LIX1L: variants seen among roughly 807,000 people sequenced by gnomAD.
LIX1L encodes the protein limb and CNS expressed 1 like, also known as LIX1-like protein.
Under a neutral mutation model 34.0 loss-of-function variants are expected in LIX1L, and 20 were observed. That is an observed-to-expected ratio of 0.59 (90% CI 0.41 to 0.85). The LOEUF (loss-of-function observed/expected upper bound fraction) is 0.85. LIX1L is among the 40% of genes least tolerant of loss of function. The pLI, the probability that LIX1L is intolerant of heterozygous loss-of-function variation, is 0.00. For synonymous variants in LIX1L, 170 were observed against 187.4 expected (o/e 0.91, Z 0.76); for missense variants, 397 against 447.0 (o/e 0.89, Z 1.01).
chr1:145,937,451 GC>G, intron 4 of LIX1L, 152 bp downstream of exon 4: 2 of 563,896 alleles, frequency 3.5e-6, no homozygotes. Context: ...GAGCCACCAT[GC>G]CCAGCCAGGA....
chr1:145,944,833 G>C (rs1439505999), intron 2 of LIX1L, among the ~76,000 whole-genome samples: 2 of 152,098 alleles, frequency 1.3e-5, no homozygotes, highest in Non-Finnish European at 2.9e-5. Context: ...TTTGTGACCA[G>C]CCTAGGAAAC....
intron 3 of LIX1L, among the ~76,000 whole-genome samples, chr1:145,938,584 C>T (rs1648759829): frequency 6.9e-6 from 1 of 145,890 alleles, no homozygotes; most frequent in Non-Finnish European, 1.5e-5. Context: ...TAAAAATTTC[C>T]TTTTTTTTTT....
intron 1 of LIX1L, among the ~76,000 whole-genome samples, chr1:145,951,518 G>A (rs1553759834): frequency 6.6e-6 from 1 of 151,912 alleles, no homozygotes; most frequent in African/African-American, 2.4e-5. Context: ...ACAGCATGAG[G>A]GCACATGTCA....
At chr1:145,940,487 C>T (rs1553758478) in intron 3 of LIX1L, among the ~76,000 whole-genome samples, 1 of 151,020 alleles carries the variant, frequency 6.6e-6, no homozygotes, top group Non-Finnish European at 1.5e-5. Context: ...GCTGGCATTA[C>T]AGGCATGTGC....
chr1:145,949,938 TCTGAGTAG>T (rs1468924067), intron 1 of LIX1L, among the ~76,000 whole-genome samples: 1 of 151,578 alleles, frequency 6.6e-6, no homozygotes. Context: ...AACCTTAGCC[TCTGAGTAG>T]CTGGGACCAC....
chr1:145,937,261 T>G (rs1260171873), intron 4 of LIX1L: 1 of 193,774 alleles, frequency 5.2e-6, no homozygotes, highest in Admixed American at 5.9e-5. Flanking sequence ...CTGCAACCTC[T>G]GCTTCCTGGG....
rs781903960 is a variant in LIX1L, at chr1:145,936,532, C to G, written c.792G>C (p.Ser264=). Residue 264 remains serine (S), a synonymous_variant, in exon 6 of 6, where the codon TCG becomes TCC. Transcript: ENST00000604000. ...GAATATCATCATCCAGGGCCCGGTGCGAATAATGAGCCAACACCTCCTAGT... is the reference window on the plus strand; with the variant it reads ...GAATATCATCATCCAGGGCCCGGTGGGAATAATGAGCCAACACCTCCTAGT... The part of the protein sequence containing the change: ...CSRQEVLAHY[S]HRALDDDIRH... 1.2e-6 allele frequency: 2 copies of G among 1,614,006 alleles called. No individual in the cohort carries two copies. The highest frequency in any genetic ancestry group is 1.7e-6 in the Non-Finnish European group (2 of 1,179,994).
chr1:145,936,585 G>A (rs1553757854), intron 5 of LIX1L, 33 bp from the exon 6 acceptor site: 1 of 1,612,360 alleles, frequency 6.2e-7, no homozygotes, highest in African/African-American at 1.3e-5. Flanking sequence ...ACATCATTGA[G>A]AAGGTAAAGG....
At chr1:145,942,649 G>T in intron 3 of LIX1L, 64 bp downstream of exon 3, 1 of 1,479,758 alleles carries the variant, frequency 6.8e-7, no homozygotes, top group Non-Finnish European at 9.4e-7. Flanking sequence ...AGTAATTTAC[G>T]ACTTCCCAAG....
At position 145,957,651 on chromosome 1, in the gene LIX1L, G is replaced by C; in HGVS notation, c.277C>G (p.Gln93Glu). ...GCAGACTCACCTCGGCCATAGCCCT[G>C]CGTGTGCTTGGCGAAGCTCCTCACC... ...AVVRSFAKHT[Q>E]GYGRVNVVEA... Residue 93 changes from glutamine to glutamate, a missense_variant, in exon 1 of 6, where the codon CAG becomes GAG. Gln to Glu is a conservative substitution (Grantham distance 29). Around this residue, in one of 3 missense-constraint regions of LIX1L, gnomAD observed 207 missense variants for 205.2 expected, o/e 1.01. Coordinates refer to ENST00000604000, the MANE Select transcript of LIX1L (RefSeq NM_153713.3). The C allele has an allele frequency of 1.3e-6, 2 of 1,542,200 alleles. No homozygotes were observed. The highest frequency in any genetic ancestry group is 1.7e-6 in the Non-Finnish European group (2 of 1,149,638).
In LIX1L at chr1:145,947,796, G is replaced by A; in HGVS notation, c.293-14C>T. 1.2e-6 allele frequency: 2 copies of A among 1,613,358 alleles called. No individual in the cohort carries two copies. The highest frequency in any genetic ancestry group is 1.7e-6 in the Non-Finnish European group (2 of 1,179,344). On this transcript the variant is annotated splice_polypyrimidine_tract_variant and intron_variant, in intron 1 of 5. Transcript: ENST00000604000. ...CCACCACATTCACTACAAAAGAGAA[G>A]TACTTAAGTTCAGCAATGAATGAGA...
rs1219536954 is a variant in LIX1L at position 145,936,153 on chromosome 1, T to C, written c.*157A>G. On this transcript the variant is annotated 3_prime_UTR_variant, in exon 6 of 6. Coordinates refer to ENST00000604000, the MANE Select transcript of LIX1L (RefSeq NM_153713.3). The stretch of plus-strand genomic sequence containing the variant: ...CAAAAACTGGTAGTAAGAAAAGGGA[T>C]CTCTTAGCAAATAGGAATCTAGGTG... The C allele has an allele frequency of 1.2e-5, 10 of 827,086 alleles. No homozygotes were observed. Among genetic ancestry groups the C allele is most frequent in the Non-Finnish European group, 1.8e-5 (10 of 555,688 alleles). 51.2% of individuals were successfully genotyped at this position (827,086 alleles called of 1,614,324 possible). A position where few individuals can be genotyped will look rare whatever the true frequency, so the allele number is the denominator to read the frequency against.
At position 145,935,923 on chromosome 1, in the gene LIX1L, G is replaced by T; in HGVS notation, c.*387C>A. 1 of 209,760 alleles carries T rather than the reference G, an allele frequency of 4.8e-6. No homozygotes were observed. The highest frequency in any genetic ancestry group is 9.7e-6 in the Non-Finnish European group (1 of 102,832). The allele number at this position is 209,760 out of a possible 1,614,324, so 13.0% of individuals were successfully genotyped here. A position where few individuals can be genotyped will look rare whatever the true frequency, so the allele number is the denominator to read the frequency against. On this transcript the variant is annotated 3_prime_UTR_variant, in exon 6 of 6. Coordinates refer to ENST00000604000, the MANE Select transcript of LIX1L (RefSeq NM_153713.3). ...CCTGTTTGAGTCCAAGAGGAAGCAG[G>T]AATGAGAGTAAGGGTGGGGCACATA...
In LIX1L at chr1:145,957,654, T is replaced by C. The variant is rs1304750613; in HGVS notation, c.274A>G (p.Thr92Ala). The change falls in exon 1 of 6, where the codon ACG (threonine) becomes GCG (alanine). Residue 92 changes from threonine (T) to alanine (A), a missense_variant. Physicochemically the swap from Thr to Ala is moderately conservative, Grantham distance 58. This residue lies in a region of LIX1L where 207 missense variants were observed against 205.2 expected (regional missense o/e 1.01). Coordinates refer to ENST00000604000, the MANE Select transcript of LIX1L (RefSeq NM_153713.3). ...EAVVRSFAKH[T>A]QGYGRVNVVE... is the part of the protein sequence containing the mutation. Reference sequence around the variant, plus strand: ...GACTCACCTCGGCCATAGCCCTGCGTGTGCTTGGCGAAGCTCCTCACCACG... The same window carrying C: ...GACTCACCTCGGCCATAGCCCTGCGCGTGCTTGGCGAAGCTCCTCACCACG... 2 of 1,542,830 alleles carry C rather than the reference T, an allele frequency of 1.3e-6. No individual in the cohort carries two copies. Among genetic ancestry groups the C allele is most frequent in the Admixed American group, 2.0e-5 (1 of 50,792 alleles).
At chr1:145,945,284 G>C (rs1314411028) in intron 2 of LIX1L, among the ~76,000 whole-genome samples, 3 of 129,740 alleles carry the variant, frequency 2.3e-5, no homozygotes, top group East Asian at 4.4e-4. Context: ...CTGGGCGACA[G>C]AGCAAGACTC....
chr1:145,955,827 A>G (rs1365041034), intron 1 of LIX1L, among the ~76,000 whole-genome samples: 5 of 152,234 alleles, frequency 3.3e-5, no homozygotes, highest in Non-Finnish European at 7.3e-5. Context: ...GCCCTTTGTC[A>G]GTACAATCCC....
intron 1 of LIX1L, among the ~76,000 whole-genome samples, chr1:145,953,423 G>C (rs1191494177): frequency 6.6e-6 from 1 of 152,196 alleles, no homozygotes; most frequent in Admixed American, 6.5e-5. Flanking sequence ...GGCGAGAATA[G>C]ACTGACTCTA....
rs1165220026 is a variant in LIX1L at position 145,947,185 on chromosome 1, C to T, written c.456+434G>A. 1.8e-5 allele frequency: 3 copies of T among 164,804 alleles called. No homozygotes were observed. The East Asian group carries it at 4.8e-4, about 26-fold the overall frequency. 10.2% of individuals were successfully genotyped at this position (164,804 alleles called of 1,614,324 possible). A position where few individuals can be genotyped will look rare whatever the true frequency, so the allele number is the denominator to read the frequency against. ...CCTAACTCTTAGATGAGTACTGTTT[C>T]CAGCATACATAGTCCCTCCGATTTG... On this transcript the variant is annotated intron_variant, in intron 2 of 5. Coordinates refer to ENST00000604000, the MANE Select transcript of LIX1L (RefSeq NM_153713.3).
intron 1 of LIX1L, among the ~76,000 whole-genome samples, chr1:145,954,379 A>T (rs1649399893): frequency 6.6e-6 from 1 of 152,214 alleles, no homozygotes; most frequent in Non-Finnish European, 1.5e-5. Context: ...CTAATCCAGC[A>T]TTTCCAAAAA....
Sources: gnomAD v4.1 joint callset for allele counts (sites outside exome capture counted in the v4.1 genomes callset) on GRCh38, gnomAD v4.1.1 for gene constraint, gnomAD v4.1.1 regional missense constraint, MANE v1.5 for transcripts, NCBI Gene and HGNC (gene_info 2026-07-23, HGNC 2026-07-21) for gene names.